Variants in CTNND2 observed in about 807,000 individuals in gnomAD.
CTNND2 encodes the protein catenin delta-2.
CTNND2 carries 22 observed loss-of-function variants against 144.4 expected under a neutral mutation model. That is an observed-to-expected ratio of 0.15 (90% CI 0.11 to 0.22). CTNND2 has a LOEUF of 0.22. Ranked by LOEUF, CTNND2 falls within the 10% of genes least tolerant of loss-of-function variation. The pLI is 1.00. For synonymous variants in CTNND2, 751 were observed against 695.6 expected (o/e 1.08, Z -1.25); for missense variants, 1,353 against 1,618.8 (o/e 0.84, Z 2.82).
In CTNND2 at chr5:11,893,709, C is replaced by A. The variant is rs190593347; in HGVS notation, c.37+10108G>T. ...CCATCATCTTGGCTCTATCCTCTCA[C>A]ACTCCGCTTCTGTCCTAGGTCCACA... On this transcript the variant is annotated intron_variant, in intron 1 of 21. Coordinates refer to ENST00000304623, the MANE Select transcript of CTNND2 (RefSeq NM_001332.4). Among the ~76,000 whole-genome samples the A allele has an allele frequency of 7.2e-5, 11 of 152,304 alleles. No homozygotes were observed. In the East Asian group the frequency reaches 2.1e-3, roughly 29 times the overall value.
chr5:11,328,361 C>T (rs1359525041), intron 9 of CTNND2, among the ~76,000 whole-genome samples: 5 of 151,350 alleles, frequency 3.3e-5, no homozygotes, highest in Non-Finnish European at 5.9e-5. Context: ...GGTGCCATCA[C>T]GGCTCACTGC....
chr5:11,355,641 T>C (rs939564945), intron 8 of CTNND2, among the ~76,000 whole-genome samples: 7 of 152,292 alleles, frequency 4.6e-5, no homozygotes, highest in African/African-American at 1.7e-4. Flanking sequence ...ATGCCCACTT[T>C]CACCACTTCT....
intron 1 of CTNND2, among the ~76,000 whole-genome samples, chr5:11,896,011 T>C (rs942868153): frequency 1.3e-5 from 2 of 152,128 alleles, no homozygotes; most frequent in Non-Finnish European, 2.9e-5. Flanking sequence ...GAAATATAAA[T>C]TATATAATCT....
At chr5:11,709,179 A>T (rs1014666994) in intron 2 of CTNND2, among the ~76,000 whole-genome samples, 1 of 152,170 alleles carries the variant, frequency 6.6e-6, no homozygotes, top group Non-Finnish European at 1.5e-5. Context: ...CCGGCTACTG[A>T]AGAGGCTGGG....
chr5:11,705,709 A>T (rs1458468825), intron 2 of CTNND2, among the ~76,000 whole-genome samples: 1 of 152,162 alleles, frequency 6.6e-6, no homozygotes, highest in Non-Finnish European at 1.5e-5. Context: ...TTGAACCTTG[A>T]TCCTTTTTCT....
chr5:11,526,874 G>A (rs1773295194), intron 3 of CTNND2, among the ~76,000 whole-genome samples: 1 of 148,908 alleles, frequency 6.7e-6, no homozygotes, highest in Admixed American at 6.8e-5. Flanking sequence ...AGAAAATATG[G>A]TCTGTCCATA....
intron 1 of CTNND2, among the ~76,000 whole-genome samples, chr5:11,822,095 T>C (rs540759700): frequency 6.6e-5 from 10 of 152,290 alleles, no homozygotes; most frequent in Middle Eastern, 6.8e-3. Context: ...TTATATTAGG[T>C]AAATTGTAAA....
At chr5:11,612,995 A>G (rs1581607707) in intron 2 of CTNND2, among the ~76,000 whole-genome samples, 1 of 152,354 alleles carries the variant, frequency 6.6e-6, no homozygotes, top group Middle Eastern at 3.4e-3. Flanking sequence ...TCCATAATTA[A>G]TAGAGTCGCA....
intron 3 of CTNND2, among the ~76,000 whole-genome samples, chr5:11,502,632 T>A (rs1266562198): frequency 6.6e-6 from 1 of 152,188 alleles, no homozygotes; most frequent in African/African-American, 2.4e-5. Context: ...TCCTGTGATT[T>A]TTATCCCTGT....
chr5:11,381,158 A>G (rs1189489408), intron 7 of CTNND2, among the ~76,000 whole-genome samples: 2 of 152,164 alleles, frequency 1.3e-5, no homozygotes, highest in Non-Finnish European at 2.9e-5. Context: ...CACTTCCATA[A>G]CGTCCAATGC....
At chr5:11,715,342 GA>G (rs200224720) in intron 2 of CTNND2, among the ~76,000 whole-genome samples, 1 of 151,660 alleles carries the variant, frequency 6.6e-6, no homozygotes, top group Non-Finnish European at 1.5e-5. Flanking sequence ...ATCTGTTGGG[GA>G]AAAAAAACAA....
intron 1 of CTNND2, among the ~76,000 whole-genome samples, chr5:11,798,569 C>T (rs1791521587): frequency 1.3e-5 from 2 of 152,178 alleles, no homozygotes; most frequent in South Asian, 4.1e-4. Context: ...GAGATTGAGA[C>T]CATCCTGATC....
At chr5:11,434,467 C>T (rs1167058011) in intron 3 of CTNND2, among the ~76,000 whole-genome samples, 1 of 152,158 alleles carries the variant, frequency 6.6e-6, no homozygotes, top group Non-Finnish European at 1.5e-5. Context: ...ACCCCTAAGA[C>T]TGGTGCATTT....
chr5:11,316,468 T>TTTTA lies in CTNND2; in HGVS notation c.1628+29903_1628+29904insTAAA, dbSNP rs903872039. On this transcript the variant is annotated intron_variant, in intron 9 of 21. Coordinates refer to ENST00000304623, the MANE Select transcript of CTNND2 (RefSeq NM_001332.4). ...AGGTAGGTACTCTTATCCACTATTT[T>TTTTA]TTATTATTATTATTATTATTATTAT... 9.5e-5 allele frequency among the ~76,000 whole-genome samples: 7 copies of TTTTA among 73,402 alleles called. No individual in the cohort carries two copies. In the East Asian group the frequency reaches 1.2e-3, roughly 13 times the overall value. 48.2% of individuals were successfully genotyped at this position (73,402 alleles called of 152,430 possible). A position where few individuals can be genotyped will look rare whatever the true frequency, so the allele number is the denominator to read the frequency against.
chr5:11,446,393 C>T (rs1347841577), intron 3 of CTNND2, among the ~76,000 whole-genome samples: 1 of 152,158 alleles, frequency 6.6e-6, no homozygotes, highest in African/African-American at 2.4e-5. Context: ...ACTCCAGTAG[C>T]GTGAAGAGTG....
intron 9 of CTNND2, among the ~76,000 whole-genome samples, chr5:11,323,224 T>G (rs1752207441): frequency 1.4e-5 from 1 of 70,772 alleles, no homozygotes; most frequent in African/African-American, 4.9e-5. Flanking sequence ...CAAAAACATT[T>G]AGAGATTGGG....
chr5:11,230,842 G>A (rs957896832), intron 10 of CTNND2, among the ~76,000 whole-genome samples: 2 of 152,154 alleles, frequency 1.3e-5, no homozygotes, highest in East Asian at 3.9e-4. Context: ...GTCCTACCCT[G>A]GATCAGAGAA....
At chr5:11,095,286 C>A (rs560941211) in intron 15 of CTNND2, among the ~76,000 whole-genome samples, 1 of 152,280 alleles carries the variant, frequency 6.6e-6, no homozygotes, top group South Asian at 2.1e-4. Context: ...CTGCAACCTG[C>A]AAAACATTGT....
intron 11 of CTNND2, among the ~76,000 whole-genome samples, chr5:11,192,367 A>G (rs545373018): frequency 6.6e-6 from 1 of 152,302 alleles, no homozygotes; most frequent in East Asian, 1.9e-4. Flanking sequence ...TGTGGGGAGC[A>G]GAATAATCAT....
Sources: gnomAD v4.1 joint callset for allele counts (sites outside exome capture counted in the v4.1 genomes callset) on GRCh38, gnomAD v4.1.1 for gene constraint, MANE v1.5 for transcripts, NCBI Gene and HGNC (gene_info 2026-07-23, HGNC 2026-07-21) for gene names.